Variants in KLRF2 observed in about 807,000 individuals in gnomAD.
The protein encoded by KLRF2 is killer cell lectin like receptor F2.
In KLRF2, 28 loss-of-function variants were observed where a neutral mutation model predicts 25.3. The ratio of observed to expected loss-of-function variants is 1.11; its 90% CI spans 0.82 to 1.52. The LOEUF is 1.52. Ranked by LOEUF, KLRF2 falls within the 40% of genes most tolerant of loss-of-function variation. The probability of loss-of-function intolerance (pLI) is 0.00; values close to 1 mark genes in which losing one functional copy is unlikely to be tolerated. For missense variants in KLRF2, 265 were observed against 245.8 expected (o/e 1.08, Z -0.52); for synonymous variants, 73 against 85.0 (o/e 0.86, Z 0.78).
intron 2 of KLRF2, among the ~76,000 whole-genome samples, chr12:9,887,778 G>A (rs1347455277): frequency 6.7e-6 from 1 of 149,850 alleles, no homozygotes; most frequent in East Asian, 2.0e-4. Flanking sequence ...AAGACTAGGC[G>A]TTGGAGCTCA....
intron 5 of KLRF2, 96 bp from the exon 6 acceptor site, chr12:9,895,593 G>A: frequency 8.4e-7 from 1 of 1,186,394 alleles, no homozygotes; most frequent in Non-Finnish European, 1.1e-6. Flanking sequence ...TTTGGCTGCT[G>A]AAGAATTACC....
intron 1 of KLRF2, among the ~76,000 whole-genome samples, chr12:9,883,752 T>C (rs1218693487): frequency 6.6e-6 from 1 of 152,172 alleles, no homozygotes; most frequent in Non-Finnish European, 1.5e-5. Context: ...GTAGCAAATT[T>C]CAAAAGGTAC....
At chr12:9,889,529 T>C (rs1183050193) in intron 3 of KLRF2, among the ~76,000 whole-genome samples, 2 of 152,102 alleles carry the variant, frequency 1.3e-5, no homozygotes, top group African/African-American at 4.8e-5. Flanking sequence ...ACTGAAGATA[T>C]AATATTAATT....
chr12:9,884,768 A>G (rs1315309009), intron 1 of KLRF2, among the ~76,000 whole-genome samples, 166 bp from the exon 2 acceptor site: 1 of 151,410 alleles, frequency 6.6e-6, no homozygotes, highest in East Asian at 1.9e-4. Context: ...TAATAGTAGT[A>G]TCTCCTTGGT....
At chr12:9,884,835 A>T in intron 1 of KLRF2, 99 bp from the exon 2 acceptor site, 2 of 408,324 alleles carry the variant, frequency 4.9e-6, no homozygotes, top group East Asian at 3.8e-5. Flanking sequence ...TTCTAATGAC[A>T]TATCTAAAAT....
At chr12:9,886,764 A>C (rs1055284646) in intron 2 of KLRF2, among the ~76,000 whole-genome samples, 1 of 19,280 alleles carries the variant, frequency 5.2e-5, no homozygotes, top group Non-Finnish European at 1.7e-4. Flanking sequence ...TATATCATGC[A>C]AAAAAAAAAA....
At chr12:9,886,995 G>A (rs537032677) in intron 2 of KLRF2, among the ~76,000 whole-genome samples, 26 of 151,902 alleles carry the variant, frequency 1.7e-4, no homozygotes, top group African/African-American at 6.3e-4. Flanking sequence ...ATATCCCGGA[G>A]CACAGAGCAA....
chr12:9,884,630 T>C (rs1868130820), intron 1 of KLRF2, among the ~76,000 whole-genome samples: 1 of 148,858 alleles, frequency 6.7e-6, no homozygotes, highest in Admixed American at 6.7e-5. Flanking sequence ...TTATAACAAA[T>C]ATTTATATCA....
At chr12:9,882,098 C>T (rs539639666) in intron 1 of KLRF2, among the ~76,000 whole-genome samples, 96 of 151,306 alleles carry the variant, frequency 6.3e-4, no homozygotes, top group African/African-American at 2.2e-3. Flanking sequence ...ACTGGGAATG[C>T]GAGAAGAGAG....
At chr12:9,894,081 CTCT>C (rs1253299141) in intron 5 of KLRF2, among the ~76,000 whole-genome samples, 6 of 149,492 alleles carry the variant, frequency 4.0e-5, no homozygotes, top group East Asian at 2.0e-4. Flanking sequence ...TTCTCTTTCT[CTCT>C]TCTTCTTTCT....
At chr12:9,894,618 C>G (rs1386369554) in intron 5 of KLRF2, among the ~76,000 whole-genome samples, 1 of 152,138 alleles carries the variant, frequency 6.6e-6, no homozygotes, top group Non-Finnish European at 1.5e-5. Context: ...TTCTTCTGTG[C>G]TTTCAGTTAC....
intron 2 of KLRF2, among the ~76,000 whole-genome samples, chr12:9,886,981 C>G (rs976736186): frequency 1.3e-5 from 2 of 151,530 alleles, no homozygotes; most frequent in Non-Finnish European, 2.9e-5. Context: ...TGGTAGCTAA[C>G]CAAATATCCC....
At chr12:9,886,539 T>C (rs761588899) in intron 2 of KLRF2, among the ~76,000 whole-genome samples, 1 of 152,106 alleles carries the variant, frequency 6.6e-6, no homozygotes, top group Non-Finnish European at 1.5e-5. Flanking sequence ...AAGGCAGGGC[T>C]CCATTTCAGA....
At chr12:9,891,955 C>T (rs972662096) in intron 3 of KLRF2, among the ~76,000 whole-genome samples, 1 of 152,112 alleles carries the variant, frequency 6.6e-6, no homozygotes, top group Non-Finnish European at 1.5e-5. Context: ...AGCCATTCAA[C>T]ATTCAACAAT....
intron 1 of KLRF2, among the ~76,000 whole-genome samples, chr12:9,883,597 G>A (rs1451486448): frequency 6.6e-6 from 1 of 152,150 alleles, no homozygotes; most frequent in East Asian, 1.9e-4. Flanking sequence ...ACCCTTGATT[G>A]ATATTTTCTC....
In KLRF2 at chr12:9,884,350, G is replaced by C. The variant is rs142700959; in HGVS notation, c.71-584G>C. Among the ~76,000 whole-genome samples the C allele has an allele frequency of 2.5e-3, 382 of 151,958 alleles. 3 individuals are homozygous for C. The highest frequency in any genetic ancestry group is 8.6e-3 in the African/African-American group (358 of 41,522). Reference sequence around the variant, plus strand: ...AAGCTGAAACTGACTCCTGTCTAAAGAGTCAAACCCAGAAAAATATAATAT... The same window carrying C: ...AAGCTGAAACTGACTCCTGTCTAAACAGTCAAACCCAGAAAAATATAATAT... On this transcript the variant is annotated intron_variant, in intron 1 of 5. Coordinates refer to ENST00000535540, the MANE Select transcript of KLRF2 (RefSeq NM_001190765.1).
intron 3 of KLRF2, among the ~76,000 whole-genome samples, chr12:9,891,599 T>C (rs1187044021): frequency 6.6e-6 from 1 of 152,190 alleles, no homozygotes; most frequent in Non-Finnish European, 1.5e-5. Context: ...GAGAGGTCAT[T>C]TTATACCTTT....
At chr12:9,887,275 T>TGATAGATTA (rs1254388306) in intron 2 of KLRF2, among the ~76,000 whole-genome samples, 1 of 151,904 alleles carries the variant, frequency 6.6e-6, no homozygotes, top group African/African-American at 2.4e-5. Context: ...TAGAAAGAGA[T>TGATAGATTA]GATAGATTAG....
intron 5 of KLRF2, 48 bp from the exon 6 acceptor site, chr12:9,895,641 A>G: frequency 2.0e-6 from 3 of 1,467,618 alleles, no homozygotes; most frequent in East Asian, 5.2e-5. Flanking sequence ...AAAAGATACT[A>G]TTATCATTTT....
Sources: allele counts gnomAD v4.1 joint callset (sites outside exome capture counted in the v4.1 genomes callset), GRCh38; gene constraint gnomAD v4.1.1; transcripts MANE v1.5; gene names NCBI Gene and HGNC (gene_info 2026-07-23, HGNC 2026-07-21).